The following ASTN2 variants were observed in gnomAD, a reference collection of about 807,000 sequenced individuals.
ASTN2 encodes astrotactin 2, also known as astrotactin-2.
Under a neutral mutation model 139.8 loss-of-function variants are expected in ASTN2, and 54 were observed. That is an observed-to-expected ratio of 0.39 (90% confidence interval 0.31 to 0.48). The LOEUF is 0.48. Ranked by LOEUF, ASTN2 falls within the 20% of genes least tolerant of loss-of-function variation. ASTN2 has a pLI of 0.95. For missense variants in ASTN2, 1,565 were observed against 1,725.1 expected (o/e 0.91, Z 1.64); for synonymous variants, 756 against 719.5 (o/e 1.05, Z -0.81).
At chr9:116,970,991 C>A (rs535073118) in intron 10 of ASTN2, among the ~76,000 whole-genome samples, 7 of 152,198 alleles carry the variant, frequency 4.6e-5, no homozygotes, top group Admixed American at 2.0e-4. Flanking sequence ...CCTCCACAAG[C>A]ATCTTTTATT....
Position 116,453,593 on chromosome 9 carries a change from C to CAAAAAAAAAAAAAAAA in ASTN2, c.3498-11056_3498-11041dup, listed in dbSNP as rs386416019. On this transcript the variant is annotated intron_variant, in intron 20 of 22. Transcript: ENST00000313400. ...TGGGCAAAAGTGCGAGACTCCGTCT[C>CAAAAAAAAAAAAAAAA]AAAAAAAAAAAAAAAAAAAAAAAAA... 2.2e-4 allele frequency among the ~76,000 whole-genome samples: 13 copies of CAAAAAAAAAAAAAAAA among 58,794 alleles called. No individual in the cohort carries two copies. The East Asian group carries it at 6.4e-3, about 29-fold the overall frequency. 38.6% of individuals were successfully genotyped at this position (58,794 alleles called of 152,430 possible). A position where few individuals can be genotyped will look rare whatever the true frequency, so the allele number is the denominator to read the frequency against.
chr9:116,490,810 G>A (rs945952699), intron 19 of ASTN2, among the ~76,000 whole-genome samples: 1 of 152,108 alleles, frequency 6.6e-6, no homozygotes, highest in African/African-American at 2.4e-5. Flanking sequence ...GGACACATGG[G>A]GATTATGGGA....
intron 16 of ASTN2, among the ~76,000 whole-genome samples, chr9:116,713,626 C>T (rs1364941164): frequency 6.6e-5 from 10 of 152,116 alleles, no homozygotes; most frequent in Admixed American, 6.6e-4. Context: ...TGGGAGTGCC[C>T]ACTTTGGCTA....
At chr9:116,508,371 G>C (rs1040002279) in intron 19 of ASTN2, among the ~76,000 whole-genome samples, 4 of 152,174 alleles carry the variant, frequency 2.6e-5, no homozygotes, top group Non-Finnish European at 5.9e-5. Flanking sequence ...CAGTTCCACA[G>C]CCTGCAAGAA....
chr9:116,743,361 T>C (rs1403289812), intron 13 of ASTN2, among the ~76,000 whole-genome samples: 3 of 152,124 alleles, frequency 2.0e-5, no homozygotes, highest in African/African-American at 7.2e-5. Context: ...CCATCCTCGC[T>C]AACATGGTGA....
chr9:117,189,596 T>C (rs1225556900), intron 3 of ASTN2, among the ~76,000 whole-genome samples: 2 of 152,210 alleles, frequency 1.3e-5, no homozygotes, highest in Admixed American at 6.5e-5. Flanking sequence ...ATTTTATATA[T>C]ATGATTTCCT....
At chr9:117,182,155 C>T (rs1431542458) in intron 3 of ASTN2, among the ~76,000 whole-genome samples, 7 of 151,842 alleles carry the variant, frequency 4.6e-5, no homozygotes, top group Admixed American at 3.3e-4. Context: ...CCTGCCCACA[C>T]TTCCTGAGGA....
chr9:116,935,707 G>A (rs1224508695), intron 10 of ASTN2, among the ~76,000 whole-genome samples: 1 of 152,126 alleles, frequency 6.6e-6, no homozygotes, highest in Admixed American at 6.5e-5. Context: ...CTCTGTGTCA[G>A]TTTCCTCAAC....
intron 10 of ASTN2, among the ~76,000 whole-genome samples, chr9:116,891,249 C>G (rs2132388272): frequency 6.6e-6 from 1 of 152,276 alleles, no homozygotes; most frequent in East Asian, 1.9e-4. Context: ...GAAAATCGGG[C>G]ATATGTGGTG....
chr9:117,277,522 C>A (rs374742644), intron 2 of ASTN2, among the ~76,000 whole-genome samples: 2 of 152,154 alleles, frequency 1.3e-5, no homozygotes, highest in African/African-American at 4.8e-5. Context: ...TAGATAAATT[C>A]CTCAAAAAAT....
At chr9:117,141,254 G>C in intron 4 of ASTN2, 72 bp downstream of exon 4, 1 of 1,310,764 alleles carries the variant, frequency 7.6e-7, no homozygotes, top group Non-Finnish European at 1.0e-6. Context: ...AGAATGCACA[G>C]ATCTCCCTAG....
intron 7 of ASTN2, among the ~76,000 whole-genome samples, chr9:116,977,715 C>CTTTTTTT (rs386416041): frequency 7.4e-5 from 9 of 122,190 alleles, no homozygotes; most frequent in African/African-American, 1.2e-4. Flanking sequence ...ATTTCTTTTT[C>CTTTTTTT]TTTTTTTTTT....
chr9:116,541,723 G>T (rs57292742), intron 19 of ASTN2, among the ~76,000 whole-genome samples: 27,490 of 152,140 alleles, frequency 0.18, 2,850 homozygotes, highest in African/African-American at 0.28. Flanking sequence ...CACATGTGGT[G>T]TCTAATAACT....
At chr9:116,626,785 G>T (rs1353594395) in intron 17 of ASTN2, among the ~76,000 whole-genome samples, 1 of 152,204 alleles carries the variant, frequency 6.6e-6, no homozygotes, top group Non-Finnish European at 1.5e-5. Context: ...CTGACAATAT[G>T]TGTAGTTGAT....
intron 20 of ASTN2, among the ~76,000 whole-genome samples, chr9:116,443,342 A>G (rs914317011): frequency 1.3e-5 from 2 of 152,196 alleles, no homozygotes; most frequent in African/African-American, 4.8e-5. Flanking sequence ...GCTGGAACAA[A>G]GGGAAATGAG....
At chr9:117,067,079 C>A (rs1336900360) in intron 5 of ASTN2, among the ~76,000 whole-genome samples, 2 of 78,908 alleles carry the variant, frequency 2.5e-5, no homozygotes, top group African/African-American at 9.1e-5. Context: ...GAAGTCCTTG[C>A]CCATGCCTAT....
chr9:117,114,987 C>T (rs910198274), intron 4 of ASTN2, among the ~76,000 whole-genome samples: 6 of 152,088 alleles, frequency 3.9e-5, no homozygotes, highest in Non-Finnish European at 2.9e-5. Context: ...TGACTACAGC[C>T]CCACCTGGTG....
chr9:117,082,513 A>G (rs1322560154), intron 5 of ASTN2, among the ~76,000 whole-genome samples: 1 of 152,152 alleles, frequency 6.6e-6, no homozygotes, highest in Non-Finnish European at 1.5e-5. Context: ...TGATCTTCCT[A>G]AAACAGAAAT....
chr9:116,780,702 C>T (rs1173151611), intron 13 of ASTN2, among the ~76,000 whole-genome samples: 2 of 152,024 alleles, frequency 1.3e-5, no homozygotes, highest in Non-Finnish European at 2.9e-5. Flanking sequence ...CGTTAGTTCT[C>T]TTCATTTCCA....
Sources: allele counts gnomAD v4.1 joint callset (sites outside exome capture counted in the v4.1 genomes callset), GRCh38; gene constraint gnomAD v4.1.1; transcripts MANE v1.5; gene names NCBI Gene and HGNC (gene_info 2026-07-23, HGNC 2026-07-21).